IQCH: variants seen among roughly 807,000 people sequenced by gnomAD.
IQCH encodes IQ domain-containing protein H.
In IQCH, 98 loss-of-function variants were observed where a neutral mutation model predicts 117.0. The observed-to-expected ratio is 0.84, with a 90% CI of 0.71 to 0.99. The LOEUF (loss-of-function observed/expected upper bound fraction) is 0.99, where lower values mean the gene tolerates loss of function less well. IQCH is among the 50% of genes least tolerant of loss of function. The pLI, the probability that IQCH is intolerant of heterozygous loss-of-function variation, is 0.00. For missense variants in IQCH, 1,102 were observed against 1,243.8 expected, an observed-to-expected ratio of 0.89 and a Z score of 1.72; for synonymous variants, 412 against 448.2, an observed-to-expected ratio of 0.92 and a Z score of 1.02.
chr15:67,310,752 A>T (rs566347591), intron 4 of IQCH, among the ~76,000 whole-genome samples: 1 of 152,154 alleles, frequency 6.6e-6, no homozygotes, highest in Non-Finnish European at 1.5e-5. Context: ...TTGCAATGTT[A>T]TTCTGTTTAC....
At chr15:67,410,377 C>T (rs1417177902) in intron 14 of IQCH, among the ~76,000 whole-genome samples, 1 of 152,208 alleles carries the variant, frequency 6.6e-6, no homozygotes, top group Non-Finnish European at 1.5e-5. Context: ...TTACTTTCCA[C>T]TTCTGTATAC....
chr15:67,296,617 A>G (rs1048461169), intron 4 of IQCH, among the ~76,000 whole-genome samples: 11 of 152,144 alleles, frequency 7.2e-5, no homozygotes, highest in African/African-American at 2.7e-4. Context: ...GCATGGACCA[A>G]GCAGTGCCTG....
chr15:67,320,517 TG>T (rs1567093765), intron 4 of IQCH, among the ~76,000 whole-genome samples: 1 of 152,212 alleles, frequency 6.6e-6, no homozygotes, highest in Admixed American at 6.5e-5. Flanking sequence ...TTAAAATTTC[TG>T]TTGGAATGCC....
rs1483545143 is a variant in IQCH at position 67,479,059 on chromosome 15, T to C, written c.2799+3241T>C. 6.6e-6 allele frequency among the ~76,000 whole-genome samples: 1 copy of C among 152,200 alleles called. No individual in the cohort carries two copies. Among genetic ancestry groups the C allele is most frequent in the Non-Finnish European group, 1.5e-5 (1 of 68,034 alleles). On this transcript the variant is annotated intron_variant, in intron 18 of 20. Coordinates refer to ENST00000335894, the MANE Select transcript of IQCH (RefSeq NM_001031715.3). The surrounding 1 kb of genome is among the most constrained non-coding windows in gnomAD (Gnocchi z 4.6). ...TTTTTCCTGAGATGAGTTTTCATCT[T>C]TTCAGACCCTGGTGTCCATCCCTGG...
chr15:67,351,938 G>A (rs752823587), intron 6 of IQCH, among the ~76,000 whole-genome samples: 2 of 151,654 alleles, frequency 1.3e-5, no homozygotes, highest in Non-Finnish European at 2.9e-5. Context: ...TATCCATTTA[G>A]CATTTACTGT....
At chr15:67,420,739 G>A (rs556897146) in intron 15 of IQCH, among the ~76,000 whole-genome samples, 23 of 152,286 alleles carry the variant, frequency 1.5e-4, no homozygotes, top group East Asian at 3.9e-4. Flanking sequence ...CTTCAAACAC[G>A]GCAATATCTC....
chr15:67,296,681 A>G (rs1371998809), intron 4 of IQCH, among the ~76,000 whole-genome samples: 1 of 152,144 alleles, frequency 6.6e-6, no homozygotes, highest in Non-Finnish European at 1.5e-5. Flanking sequence ...TTGAATCAAG[A>G]GTCCATCACC....
At chr15:67,396,319 T>C (rs1346793570) in intron 13 of IQCH, among the ~76,000 whole-genome samples, 1 of 151,358 alleles carries the variant, frequency 6.6e-6, no homozygotes. Flanking sequence ...GCGATCGAAA[T>C]GGAGGAGGGG....
intron 3 of IQCH, among the ~76,000 whole-genome samples, chr15:67,275,670 G>T (rs1328420208): frequency 6.6e-6 from 1 of 152,110 alleles, no homozygotes; most frequent in Non-Finnish European, 1.5e-5. Context: ...TTGAGTCCAG[G>T]TGTTTGAGAC....
intron 18 of IQCH, among the ~76,000 whole-genome samples, chr15:67,483,834 C>T (rs780850351): frequency 1.3e-5 from 2 of 152,074 alleles, no homozygotes; most frequent in Non-Finnish European, 2.9e-5. Flanking sequence ...TTGACTCATA[C>T]CTGGTGGAAT....
intron 18 of IQCH, among the ~76,000 whole-genome samples, chr15:67,483,871 A>G (rs1243045816): frequency 2.6e-5 from 4 of 152,198 alleles, no homozygotes; most frequent in Non-Finnish European, 4.4e-5. Context: ...CAAGAAATCC[A>G]GAGGAAAAAT....
chr15:67,345,899 G>A (rs1969366012), intron 6 of IQCH, among the ~76,000 whole-genome samples: 1 of 152,118 alleles, frequency 6.6e-6, no homozygotes, highest in Admixed American at 6.5e-5. Flanking sequence ...TAACATTAAG[G>A]GAAACTGAAT....
At chr15:67,258,531 C>CCA (rs1555424499) in intron 1 of IQCH, among the ~76,000 whole-genome samples, 1 of 137,436 alleles carries the variant, frequency 7.3e-6, no homozygotes, top group Admixed American at 7.3e-5. Flanking sequence ...GACTTCATCT[C>CCA]AAAAAAAAAA....
At chr15:67,462,398 A>C (rs1445561191) in intron 16 of IQCH, among the ~76,000 whole-genome samples, 2 of 151,166 alleles carry the variant, frequency 1.3e-5, no homozygotes, top group Non-Finnish European at 2.9e-5. Context: ...ACTGCACTCC[A>C]GCCTGGGCGA....
intron 15 of IQCH, among the ~76,000 whole-genome samples, chr15:67,418,553 A>ACACACAC (rs66695451): frequency 1.1e-4 from 16 of 148,988 alleles, no homozygotes; most frequent in East Asian, 2.0e-4. Flanking sequence ...ACACACACAC[A>ACACACAC]AGATCAATAA....
chr15:67,322,709 TAAC>T (rs1170678366), intron 4 of IQCH, among the ~76,000 whole-genome samples: 6 of 152,170 alleles, frequency 3.9e-5, no homozygotes, highest in Non-Finnish European at 5.9e-5. Flanking sequence ...GAGATCATGC[TAAC>T]AATTTGAAGG....
At chr15:67,438,246 A>G (rs1012885269) in intron 16 of IQCH, among the ~76,000 whole-genome samples, 20 of 152,224 alleles carry the variant, frequency 1.3e-4, no homozygotes, top group Admixed American at 6.5e-5. Flanking sequence ...ACCTATCTTC[A>G]GCCTCCTCAA....
chr15:67,478,251 GGC>G (rs2083253961), intron 18 of IQCH, among the ~76,000 whole-genome samples: 1 of 152,050 alleles, frequency 6.6e-6, no homozygotes, highest in Admixed American at 6.6e-5. Flanking sequence ...TGGGCGTGGT[GGC>G]ATGCACCTAT....
In IQCH at chr15:67,463,246, A is replaced by C. The variant is rs922880608; in HGVS notation, c.2506-1881A>C. 9.8e-5 allele frequency among the ~76,000 whole-genome samples: 15 copies of C among 152,336 alleles called. No homozygotes were observed. Among genetic ancestry groups the C allele is most frequent in the African/African-American group, 3.6e-4 (15 of 41,588 alleles). ...AATCAAGTCTTCATGAAAATGTGTT[A>C]GTTTCCAACTTCCTACAGTGAAAAT... On this transcript the variant is annotated intron_variant, in intron 16 of 20. Transcript: ENST00000335894. This position sits in a 1 kb window ranked among gnomAD's most constrained non-coding sequence, Gnocchi z 4.0.
Sources: allele counts gnomAD v4.1 joint callset (sites outside exome capture counted in the v4.1 genomes callset), GRCh38; gene constraint gnomAD v4.1.1; non-coding constraint Gnocchi (gnomAD v3.1); transcripts MANE v1.5; gene names NCBI Gene and HGNC (gene_info 2026-07-23, HGNC 2026-07-21).